The following TRPM4 variants were observed in gnomAD, a reference collection of about 807,000 sequenced individuals.
TRPM4 encodes transient receptor potential cation channel subfamily M member 4, also known as calcium-activated non-selective cation channel 1.
Under a neutral mutation model 135.6 loss-of-function variants are expected in TRPM4, and 124 were observed. That is an observed-to-expected ratio of 0.91 (90% CI 0.79 to 1.06). The LOEUF is 1.06. Ranked by LOEUF, TRPM4 falls within the 50% of genes least tolerant of loss-of-function variation. TRPM4 has a pLI of 0.00. For synonymous variants in TRPM4, 745 were observed against 705.6 expected, an observed-to-expected ratio of 1.06 and a Z score of -0.88; for missense variants, 1,658 against 1,671.4, an observed-to-expected ratio of 0.99 and a Z score of 0.14.
At chr19:49,197,172 C>G (rs1968687764) in intron 17 of TRPM4, among the ~76,000 whole-genome samples, 1 of 152,048 alleles carries the variant, frequency 6.6e-6, no homozygotes, top group Admixed American at 6.6e-5. Context: ...TATGGGAGCG[C>G]CCCGACCTGG....
intron 9 of TRPM4, among the ~76,000 whole-genome samples, chr19:49,180,260 GCTGGATCAAATTTTTAAGGGTTT>G (rs1373127616): frequency 1.3e-5 from 2 of 152,058 alleles, no homozygotes; most frequent in Non-Finnish European, 2.9e-5. Context: ...CCACTACATA[GCTGGATCAAATTTTTAAGGGTTT>G]CTGGTTCTCT....
chr19:49,168,371 G>T lies in TRPM4; in HGVS notation c.560G>T (p.Gly187Val). 1 of 1,614,122 alleles carries T rather than the reference G, an allele frequency of 6.2e-7. No homozygotes were observed. The highest frequency in any genetic ancestry group is 8.5e-7 in the Non-Finnish European group (1 of 1,180,032). ...GGGGGCACCAAGGTGGTGGCCATGGGTGTGGCCCCCTGGGGTGTGGTCCGG... is the reference window on the plus strand; with the variant it reads ...GGGGGCACCAAGGTGGTGGCCATGGTTGTGGCCCCCTGGGGTGTGGTCCGG... ...STGGTKVVAM[G>V]VAPWGVVRNR... Residue 187 changes from glycine (G) to valine (V), a missense_variant, in exon 5 of 25, where the codon GGT (glycine) becomes GTT (valine). Physicochemically the swap from Gly to Val is moderately radical, Grantham distance 109 (BLOSUM62 -3). Transcript: ENST00000252826.
At chr19:49,173,113 C>T (rs1967535398) in intron 9 of TRPM4, among the ~76,000 whole-genome samples, 1 of 150,402 alleles carries the variant, frequency 6.6e-6, no homozygotes, top group Non-Finnish European at 1.5e-5. Context: ...TCCATCTTCT[C>T]ACCTGTCCAT....
chr19:49,190,432 A>G (rs1303970368), intron 15 of TRPM4, 112 bp downstream of exon 15: 25 of 1,017,492 alleles, frequency 2.5e-5, no homozygotes, highest in Non-Finnish European at 3.5e-5. Flanking sequence ...TCCCTTCCCT[A>G]GGAATGGGAC....
chr19:49,158,758 G>T, intron 2 of TRPM4: 1 of 162,964 alleles, frequency 6.1e-6, no homozygotes, highest in Non-Finnish European at 1.3e-5. Context: ...TCTGGGTCCC[G>T]TTTCTCATCT....
chr19:49,164,208 CTCTTTCTTT>C (rs930559896), intron 2 of TRPM4, among the ~76,000 whole-genome samples: 3 of 135,746 alleles, frequency 2.2e-5, no homozygotes, highest in African/African-American at 8.4e-5. Context: ...TTCTTCCTTT[CTCTTTCTTT>C]TCTTTTCTTT....
intron 6 of TRPM4, among the ~76,000 whole-genome samples, chr19:49,169,253 C>T (rs1433756098): frequency 6.7e-6 from 1 of 150,152 alleles, no homozygotes; most frequent in Non-Finnish European, 1.5e-5. Context: ...GAAAAATGCA[C>T]GAAGGTGGAC....
intron 16 of TRPM4, among the ~76,000 whole-genome samples, chr19:49,191,015 A>G (rs970393494): frequency 6.6e-6 from 1 of 152,018 alleles, no homozygotes; most frequent in African/African-American, 2.4e-5. Context: ...GCAGAAAGTG[A>G]GGGAGGAGCC....
chr19:49,188,821 G>C, intron 13 of TRPM4, 51 bp downstream of exon 13: 1 of 1,613,044 alleles, frequency 6.2e-7, no homozygotes. Flanking sequence ...CCGCCAGAGG[G>C]GGATGTGCAA....
Position 49,182,785 on chromosome 19 carries a change from C to T in TRPM4, c.1471C>T (p.Leu491=). ...SHSAGTKAPA[L]KGGAAELRPP... is the part of the protein sequence containing the mutation. ...CAGCGCAGGCACCAAAGCCCCAGCC[C>T]TAAAAGGGGGAGCTGCGGAGCTCCG... The change falls in exon 11 of 25, where the codon CTA becomes TTA. Residue 491 remains leucine (L), a synonymous_variant. Coordinates refer to ENST00000252826, the MANE Select transcript of TRPM4 (RefSeq NM_017636.4). 1.9e-6 allele frequency: 3 copies of T among 1,577,770 alleles called. No homozygotes were observed. Among genetic ancestry groups the T allele is most frequent in the Non-Finnish European group, 2.6e-6 (3 of 1,148,778 alleles).
Position 49,183,225 on chromosome 19 carries a change from T to C in TRPM4, c.1743+13T>C. ...CTTCTGGGAGATGGTGAGTGCTGACTTGGCGCTCCTGCATCCCTGTCCTTT... is the reference window on the plus strand; with the variant it reads ...CTTCTGGGAGATGGTGAGTGCTGACCTGGCGCTCCTGCATCCCTGTCCTTT... On this transcript the variant is annotated intron_variant, in intron 12 of 24. Coordinates refer to ENST00000252826, the MANE Select transcript of TRPM4 (RefSeq NM_017636.4). 1 of 1,614,044 alleles carries C rather than the reference T, an allele frequency of 6.2e-7. No individual in the cohort carries two copies. The highest frequency in any genetic ancestry group is 8.5e-7 in the Non-Finnish European group (1 of 1,180,014).
At chr19:49,184,881 CCACTTCA>C (rs1292543864) in intron 12 of TRPM4, among the ~76,000 whole-genome samples, 2 of 151,782 alleles carry the variant, frequency 1.3e-5, no homozygotes, top group Non-Finnish European at 2.9e-5. Flanking sequence ...AAAAAAGCAG[CCACTTCA>C]CTCAAGACCT....
intron 12 of TRPM4, among the ~76,000 whole-genome samples, chr19:49,186,194 A>G (rs1968190247): frequency 6.6e-6 from 1 of 152,248 alleles, no homozygotes; most frequent in African/African-American, 2.4e-5. Flanking sequence ...AGAAGCAAAT[A>G]TAACAAGAAA....
chr19:49,183,632 A>G (rs1968084460), intron 12 of TRPM4, among the ~76,000 whole-genome samples: 1 of 151,166 alleles, frequency 6.6e-6, no homozygotes, highest in Non-Finnish European at 1.5e-5. Context: ...TGGACTCCTG[A>G]CCTCAAGTGA....
chr19:49,198,161 G>A (rs1402173523), intron 17 of TRPM4, among the ~76,000 whole-genome samples: 2 of 152,108 alleles, frequency 1.3e-5, no homozygotes. Context: ...TATTCAAGCA[G>A]GGAGCAAGAT....
chr19:49,211,727 C>A lies in TRPM4; in HGVS notation c.*229C>A. 1 of 624,156 alleles carries A rather than the reference C, an allele frequency of 1.6e-6. No homozygotes were observed. Among genetic ancestry groups the A allele is most frequent in the East Asian group, 2.7e-5 (1 of 36,634 alleles). 38.7% of individuals were successfully genotyped at this position (624,156 alleles called of 1,614,324 possible). ...CCTGGGAGGATCAAGGCCTGGATCC[C>A]GGGCCGTTATCCATCTGGAGGCTGC... On this transcript the variant is annotated 3_prime_UTR_variant, in exon 25 of 25. Transcript: ENST00000252826. The surrounding 1 kb of genome is among the most constrained non-coding windows in gnomAD (Gnocchi z 4.8).
rs71352737 is a variant in TRPM4, at chr19:49,182,889, G to A, written c.1575G>A (p.Trp525Ter). The change falls in exon 11 of 25, where the codon TGG becomes TGA. Residue 525 changes from tryptophan to a stop codon, truncating the protein, a stop_gained. Transcript: ENST00000252826. LOFTEE classifies it high-confidence loss of function. ...CAPRYPSGGA[W>*]DPHPGQGFGE... ...CGAGGTACCCCTCCGGGGGCGCCTG[G>A]GACCCTCACCCAGGCCAGGGCTTCG... The A allele has an allele frequency of 1.8e-3, 2,855 of 1,601,502 alleles. 7 individuals carry two copies. The highest frequency in any genetic ancestry group is 5.1e-3 in the Middle Eastern group (29 of 5,642).
At chr19:49,186,184 A>T (rs1464767506) in intron 12 of TRPM4, among the ~76,000 whole-genome samples, 2 of 152,246 alleles carry the variant, frequency 1.3e-5, no homozygotes, top group Non-Finnish European at 2.9e-5. Flanking sequence ...CTAGAACCAC[A>T]GAAGCAAATA....
chr19:49,200,682 G>T lies in TRPM4; in HGVS notation c.2850G>T (p.Gly950=). 1.2e-6 allele frequency: 2 copies of T among 1,614,032 alleles called. No individual in the cohort carries two copies. The highest frequency in any genetic ancestry group is 1.7e-6 in the Non-Finnish European group (2 of 1,180,012). The change falls in exon 19 of 25, where the codon GGG becomes GGT. Residue 950 remains glycine (G), a synonymous_variant. Coordinates refer to ENST00000252826, the MANE Select transcript of TRPM4 (RefSeq NM_017636.4). ...TAGCCTATGGCGTGGCCACGGAGGG[G>T]CTCCTGAGGCCACGGGACAGTGACT... ...WLVAYGVATE[G]LLRPRDSDFP...
Sources: allele counts gnomAD v4.1 joint callset (sites outside exome capture counted in the v4.1 genomes callset), GRCh38; gene constraint gnomAD v4.1.1; non-coding constraint Gnocchi (gnomAD v3.1); transcripts MANE v1.5; gene names NCBI Gene and HGNC (gene_info 2026-07-23, HGNC 2026-07-21).